Variants in COPS9 observed in about 807,000 individuals in gnomAD.
COPS9 encodes the protein COP9 signalosome subunit 9.
In COPS9, 8 loss-of-function variants were observed where a neutral mutation model predicts 7.2. That is an observed-to-expected ratio of 1.11 (90% CI 0.65 to 2.00). The LOEUF is 2.00. COPS9 is among the 30% of genes most tolerant of loss of function. The probability of loss-of-function intolerance (pLI) is 0.00; values close to 1 mark genes in which losing one functional copy is unlikely to be tolerated. For synonymous variants in COPS9, 39 were observed against 28.7 expected, an observed-to-expected ratio of 1.36 and a Z score of -1.14; for missense variants, 74 against 77.7, an observed-to-expected ratio of 0.95 and a Z score of 0.18.
At chr2:240,131,705 T>C (rs35427840) in intron 2 of COPS9, among the ~76,000 whole-genome samples, 25,171 of 152,162 alleles carry the variant, frequency 0.17, 2,473 homozygotes, top group East Asian at 0.45. Flanking sequence ...CAGGAAAGAT[T>C]TTGTCCTTCT....
At chr2:240,130,099 A>G, downstream of COPS9, 2 of 1,236,130 alleles carry the variant, frequency 1.6e-6, no homozygotes, top group Non-Finnish European at 2.3e-6. Flanking sequence ...CTCATGAGAA[A>G]AAGAGGCAGA....
At chr2:240,127,644 A>G (rs1173745414), downstream of COPS9, among the ~76,000 whole-genome samples, 1 of 152,144 alleles carries the variant, frequency 6.6e-6, no homozygotes, top group Non-Finnish European at 1.5e-5. Context: ...TCCGTACAGG[A>G]GAGATCTGAG....
intron 1 of COPS9, among the ~76,000 whole-genome samples, chr2:240,134,573 G>A (rs139830985): frequency 6.6e-6 from 1 of 152,214 alleles, no homozygotes; most frequent in East Asian, 1.9e-4. Flanking sequence ...AGAGTCAACC[G>A]GTGACAGAGG....
chr2:240,135,037 A>T (rs1281705360), intron 1 of COPS9, among the ~76,000 whole-genome samples: 1 of 152,040 alleles, frequency 6.6e-6, no homozygotes, highest in Non-Finnish European at 1.5e-5. Context: ...CCTGGGTTTA[A>T]TGGAAGTGCT....
chr2:240,130,959 G>A lies in COPS9; in HGVS notation c.*92C>T, dbSNP rs957993390. 7.2e-6 allele frequency: 11 copies of A among 1,537,120 alleles called. No homozygotes were observed. Among genetic ancestry groups the A allele is most frequent in the East Asian group, 4.7e-5 (2 of 42,924 alleles). ...GGTCCTAAATTCAAGGGATTTCCAC[G>A]TGTTCTTTAAAACCACCTGAAACTG... On this transcript the variant is annotated 3_prime_UTR_variant, in exon 3 of 3. Transcript: ENST00000607357.
In COPS9 at chr2:240,136,260, A is replaced by C; in HGVS notation, c.25T>G (p.Phe9Val). The C allele has an allele frequency of 6.4e-7, 1 of 1,568,886 alleles. No individual in the cohort carries two copies. The highest frequency in any genetic ancestry group is 2.6e-5 in the East Asian group (1 of 38,988). Reference sequence around the variant, plus strand: ...ACGTAGGGCCCGGCGCCCTCGGGGAACATCTCGTCCACCGCCGGCTTCATC... The same window carrying C: ...ACGTAGGGCCCGGCGCCCTCGGGGACCATCTCGTCCACCGCCGGCTTCATC... The part of the protein sequence containing the change: MKPAVDEM[F>V]PEGAGPYVDL... Residue 9 changes from phenylalanine (F) to valine (V), a missense_variant, in exon 1 of 3, where the codon TTC (phenylalanine) becomes GTC (valine). Physicochemically the swap from Phe to Val is conservative, Grantham distance 50. Transcript: ENST00000607357.
downstream of COPS9, chr2:240,126,809 T>G (rs1289715451): frequency 1.2e-6 from 2 of 1,614,234 alleles, no homozygotes; most frequent in Admixed American, 3.3e-5. Flanking sequence ...CCTCACTTGT[T>G]GCTTTGTTGG....
intron 2 of COPS9, among the ~76,000 whole-genome samples, chr2:240,131,407 G>A (rs936233058): frequency 3.3e-5 from 5 of 152,210 alleles, no homozygotes; most frequent in African/African-American, 1.2e-4. Context: ...CGCCAGTGCC[G>A]TGTCTGCACC....
At chr2:240,135,953 G>A (rs1453761333) in intron 1 of COPS9, 1 of 501,236 alleles carries the variant, frequency 2.0e-6, no homozygotes, top group Non-Finnish European at 3.4e-6. Context: ...CGGGGGCCGT[G>A]GGGGCACCCA....
At chr2:240,128,655 G>A (rs1472382221), downstream of COPS9, among the ~76,000 whole-genome samples, 3 of 151,056 alleles carry the variant, frequency 2.0e-5, no homozygotes, top group Non-Finnish European at 4.4e-5. Flanking sequence ...ATACCTCTTT[G>A]TCAGTGTAGG....
At chr2:240,128,243 G>A (rs147490817), downstream of COPS9, among the ~76,000 whole-genome samples, 901 of 152,296 alleles carry the variant, frequency 5.9e-3, 8 homozygotes, top group Non-Finnish European at 8.9e-3. Flanking sequence ...CTGGAACCAC[G>A]GTGGAGAAAG....
chr2:240,130,893 A>ATCTAGG lies in COPS9; in HGVS notation c.*152_*157dup. Reference sequence around the variant, plus strand: ...ATCCCGTTCAGAGATGAACAGAATCATCTAGGTCGTTAAGAACAGTCTTAT... The same window carrying ATCTAGG: ...ATCCCGTTCAGAGATGAACAGAATCATCTAGGTCTAGGTCGTTAAGAACAGTCTTAT... On this transcript the variant is annotated 3_prime_UTR_variant, in exon 3 of 3. Coordinates refer to ENST00000607357, the MANE Select transcript of COPS9 (RefSeq NM_001163424.2). 6.9e-7 allele frequency: 1 copy of ATCTAGG among 1,449,302 alleles called. No individual in the cohort carries two copies. The highest frequency in any genetic ancestry group is 9.1e-7 in the Non-Finnish European group (1 of 1,101,904). The allele number at this position is 1,449,302 out of a possible 1,614,324, so 89.8% of individuals were successfully genotyped here.
rs770220063 is a variant in COPS9 at position 240,136,250 on chromosome 2, C to T, written c.35G>A (p.Gly12Asp). The change falls in exon 1 of 3, where the codon GGC becomes GAC. Residue 12 changes from glycine to aspartate, a missense_variant. Physicochemically the swap from Gly to Asp is moderately conservative, Grantham distance 94. Coordinates refer to ENST00000607357, the MANE Select transcript of COPS9 (RefSeq NM_001163424.2). ...KPAVDEMFPE[G>D]AGPYVDLDEA... ...GTCCAGGTCCACGTAGGGCCCGGCG[C>T]CCTCGGGGAACATCTCGTCCACCGC... is the stretch of plus-strand genomic sequence containing the variant. 2 of 1,569,568 alleles carry T rather than the reference C, an allele frequency of 1.3e-6. No individual in the cohort carries two copies. Among genetic ancestry groups the T allele is most frequent in the Non-Finnish European group, 1.7e-6 (2 of 1,161,516 alleles).
intron 1 of COPS9, chr2:240,136,004 G>A (rs1431070499): frequency 5.5e-6 from 4 of 724,298 alleles, no homozygotes; most frequent in Non-Finnish European, 8.2e-6. Flanking sequence ...TGGTCCCCCG[G>A]GCTAGGGCAC....
chr2:240,136,100 A>T, intron 1 of COPS9, 122 bp downstream of exon 1: 3 of 1,302,490 alleles, frequency 2.3e-6, no homozygotes, highest in Middle Eastern at 5.6e-4. Context: ...GGAGCCTGGG[A>T]GCCGCGCCCA....
At chr2:240,134,708 T>G (rs1001238557) in intron 1 of COPS9, among the ~76,000 whole-genome samples, 1 of 152,132 alleles carries the variant, frequency 6.6e-6, no homozygotes, top group Non-Finnish European at 1.5e-5. Flanking sequence ...TGCATGCCCT[T>G]GTTCCCTTTC....
At chr2:240,136,339 G>T, upstream of COPS9, 1 of 1,512,050 alleles carries the variant, frequency 6.6e-7, no homozygotes, top group South Asian at 1.3e-5. Context: ...CTTCCGGCGC[G>T]CGCCACATGG....
chr2:240,128,470 G>A (rs1052821444), downstream of COPS9, among the ~76,000 whole-genome samples: 2 of 152,200 alleles, frequency 1.3e-5, no homozygotes, highest in South Asian at 2.1e-4. Context: ...CCTCGCCCTC[G>A]GCCCATTCTG....
At chr2:240,135,572 T>C (rs1004344755) in intron 1 of COPS9, among the ~76,000 whole-genome samples, 13 of 152,022 alleles carry the variant, frequency 8.6e-5, no homozygotes, top group African/African-American at 3.1e-4. Context: ...CTCAGAACGC[T>C]CACATCAGAC....
Sources: gnomAD v4.1 joint callset for allele counts (sites outside exome capture counted in the v4.1 genomes callset) on GRCh38, gnomAD v4.1.1 for gene constraint, MANE v1.5 for transcripts, NCBI Gene and HGNC (gene_info 2026-07-23, HGNC 2026-07-21) for gene names.